DEPTOR: variants seen among roughly 807,000 people sequenced by gnomAD.
DEPTOR encodes DEP domain-containing mTOR-interacting protein.
A neutral mutation model predicts 41.6 loss-of-function variants in DEPTOR; 41 were observed. The ratio of observed to expected loss-of-function variants is 0.98; its 90% CI spans 0.77 to 1.28. DEPTOR has a LOEUF of 1.28. Ranked by LOEUF, DEPTOR falls within the 50% of genes most tolerant of loss-of-function variation. The pLI is 0.00. For synonymous variants in DEPTOR, 195 were observed against 192.3 expected, an observed-to-expected ratio of 1.01 and a Z score of -0.12; for missense variants, 514 against 527.9, an observed-to-expected ratio of 0.97 and a Z score of 0.26.
chr8:119,914,222 AGTAGAG>A (rs11279977), intron 1 of DEPTOR, among the ~76,000 whole-genome samples: 33,157 of 150,868 alleles, frequency 0.22, 4,168 homozygotes, highest in African/African-American at 0.34. Flanking sequence ...TTGTATTTTT[AGTAGAG>A]ACGGGGTTTT....
intron 4 of DEPTOR, among the ~76,000 whole-genome samples, chr8:119,988,980 T>TA (rs1375168863): frequency 7.4e-6 from 1 of 134,286 alleles, no homozygotes; most frequent in Admixed American, 7.5e-5. Flanking sequence ...TTTTTTTTTT[T>TA]AATAGAGATG....
At chr8:119,890,658 T>C (rs1827441208) in intron 1 of DEPTOR, among the ~76,000 whole-genome samples, 1 of 152,190 alleles carries the variant, frequency 6.6e-6, no homozygotes, top group Admixed American at 6.6e-5. Context: ...ATAATAGTGA[T>C]AGCAATGTTG....
At chr8:119,929,988 C>T (rs1451205765) in intron 3 of DEPTOR, 50 bp downstream of exon 3, 1 of 1,579,930 alleles carries the variant, frequency 6.3e-7, no homozygotes, top group Non-Finnish European at 8.6e-7. Flanking sequence ...TAGAAAGAAG[C>T]AGAACTGTGC....
intron 1 of DEPTOR, among the ~76,000 whole-genome samples, chr8:119,877,088 T>C (rs1001109785): frequency 6.6e-6 from 1 of 152,198 alleles, no homozygotes; most frequent in Non-Finnish European, 1.5e-5. Context: ...TTTAGGACAA[T>C]ATGTTTAGCC....
At chr8:120,044,212 A>T (rs112290548) in intron 8 of DEPTOR, among the ~76,000 whole-genome samples, 1 of 151,110 alleles carries the variant, frequency 6.6e-6, no homozygotes, top group African/African-American at 2.4e-5. Context: ...TGCAACCTCC[A>T]CCTCCCAGGT....
chr8:119,890,296 T>TTTG lies in DEPTOR; in HGVS notation c.122+16349_122+16351dup, dbSNP rs1554671061. On this transcript the variant is annotated intron_variant, in intron 1 of 8. Transcript: ENST00000286234. ...ATGAGTTTTTTTGTTTGTTTGTTTG[T>TTTG]TTGTTGTTGTTGTTGTTGTTGTTTG... Among the ~76,000 whole-genome samples, 598 of 150,618 alleles carry TTTG rather than the reference T, an allele frequency of 4.0e-3. 1 individual carries two copies. Among genetic ancestry groups the TTTG allele is most frequent in the Middle Eastern group, 6.8e-3 (2 of 294 alleles).
chr8:119,995,907 TTA>T (rs1166250515), intron 4 of DEPTOR, among the ~76,000 whole-genome samples: 1 of 152,194 alleles, frequency 6.6e-6, no homozygotes, highest in African/African-American at 2.4e-5. Context: ...GAAGCTGTGA[TTA>T]TATATATTAA....
chr8:119,890,451 C>G (rs942614715), intron 1 of DEPTOR, among the ~76,000 whole-genome samples: 6 of 152,054 alleles, frequency 3.9e-5, no homozygotes, highest in Admixed American at 6.6e-5. Flanking sequence ...TACATGCGCC[C>G]GCCACCATGC....
chr8:119,980,594 T>G (rs993068785), intron 4 of DEPTOR, among the ~76,000 whole-genome samples: 22 of 151,282 alleles, frequency 1.5e-4, no homozygotes, highest in African/African-American at 5.1e-4. Context: ...CTCGGCTCAC[T>G]GCAACCTCCG....
intron 1 of DEPTOR, among the ~76,000 whole-genome samples, chr8:119,879,901 T>C (rs971945452): frequency 6.6e-6 from 1 of 152,072 alleles, no homozygotes; most frequent in African/African-American, 2.4e-5. Flanking sequence ...CCCAGGACTT[T>C]GGTAGGCTGA....
At chr8:120,047,971 GGGAGATGGA>G (rs1813177975) in intron 8 of DEPTOR, among the ~76,000 whole-genome samples, 1 of 151,906 alleles carries the variant, frequency 6.6e-6, no homozygotes, top group African/African-American at 2.4e-5. Context: ...GCTTGAGCCT[GGGAGATGGA>G]GGAGATCGTG....
intron 3 of DEPTOR, 140 bp downstream of exon 3, chr8:119,930,078 A>T: frequency 2.9e-6 from 3 of 1,018,690 alleles, no homozygotes; most frequent in Non-Finnish European, 4.0e-6. Flanking sequence ...TGAGAAAACT[A>T]TCAAGCATTT....
chr8:119,935,921 T>A (rs774969810), intron 3 of DEPTOR, among the ~76,000 whole-genome samples: 2 of 152,054 alleles, frequency 1.3e-5, no homozygotes, highest in Non-Finnish European at 2.9e-5. Flanking sequence ...AAGAGACTTC[T>A]TAATTTTAAT....
intron 4 of DEPTOR, among the ~76,000 whole-genome samples, chr8:119,975,487 C>T (rs1038687097): frequency 1.3e-5 from 2 of 152,110 alleles, no homozygotes; most frequent in African/African-American, 4.8e-5. Context: ...TCAAGGAGCA[C>T]AGTGCGGAGT....
At chr8:119,916,560 G>A (rs993886621) in intron 1 of DEPTOR, among the ~76,000 whole-genome samples, 1 of 152,196 alleles carries the variant, frequency 6.6e-6, no homozygotes, top group Non-Finnish European at 1.5e-5. Flanking sequence ...TATTTGGAAG[G>A]CTTACTGAGG....
chr8:119,989,733 A>T (rs1338178560), intron 4 of DEPTOR, among the ~76,000 whole-genome samples: 1 of 152,232 alleles, frequency 6.6e-6, no homozygotes, highest in Admixed American at 6.5e-5. Flanking sequence ...AATGATAATT[A>T]TCATTATTTT....
intron 1 of DEPTOR, among the ~76,000 whole-genome samples, chr8:119,886,319 G>C (rs1453666060): frequency 6.6e-6 from 1 of 152,038 alleles, no homozygotes; most frequent in African/African-American, 2.4e-5. Context: ...TTCCATTCAG[G>C]ACTCCAATCA....
chr8:120,044,415 G>A (rs924889946), intron 8 of DEPTOR, among the ~76,000 whole-genome samples: 6 of 152,142 alleles, frequency 3.9e-5, no homozygotes, highest in Admixed American at 3.3e-4. Flanking sequence ...ATGAGCCACC[G>A]TGCCTAGCCT....
chr8:119,906,094 A>G lies in DEPTOR; in HGVS notation c.123-22306A>G, dbSNP rs192299909. The stretch of plus-strand genomic sequence containing the variant: ...AGGCATGAGCCACTGTGCCTGGCCT[A>G]ATGTAACAGTTACACACATGTACTA... On this transcript the variant is annotated intron_variant, in intron 1 of 8. Transcript: ENST00000286234. Among the ~76,000 whole-genome samples the G allele has an allele frequency of 1.2e-3, 185 of 152,294 alleles. 1 individual carries two copies. The highest frequency in any genetic ancestry group is 1.9e-3 in the Non-Finnish European group (131 of 68,028).
Sources: allele counts gnomAD v4.1 joint callset (sites outside exome capture counted in the v4.1 genomes callset), GRCh38; gene constraint gnomAD v4.1.1; transcripts MANE v1.5; gene names NCBI Gene and HGNC (gene_info 2026-07-23, HGNC 2026-07-21).